Variants in TENM2 observed in about 807,000 individuals in gnomAD.
TENM2 encodes the protein teneurin transmembrane protein 2.
TENM2 carries 52 observed loss-of-function variants against 245.2 expected under a neutral mutation model. The ratio of observed to expected loss-of-function variants is 0.21; its 90% CI spans 0.17 to 0.27. TENM2 has a LOEUF of 0.27. TENM2 is among the 10% of genes least tolerant of loss of function. The pLI, the probability that TENM2 is intolerant of heterozygous loss-of-function variation, is 1.00. For synonymous variants in TENM2, 1,363 were observed against 1,438.9 expected, an observed-to-expected ratio of 0.95 and a Z score of 1.19; for missense variants, 3,046 against 3,666.8, an observed-to-expected ratio of 0.83 and a Z score of 4.37.
chr5:167,480,979 G>C (rs1036407643), intron 2 of TENM2, among the ~76,000 whole-genome samples: 3 of 152,138 alleles, frequency 2.0e-5, no homozygotes, highest in Non-Finnish European at 4.4e-5. Context: ...AGGTCTGAAA[G>C]ATACAACACA....
At chr5:168,080,465 C>A (rs572758106) in intron 7 of TENM2, among the ~76,000 whole-genome samples, 1 of 151,968 alleles carries the variant, frequency 6.6e-6, no homozygotes, top group Non-Finnish European at 1.5e-5. Context: ...TTTCTTGCCT[C>A]CTGCTAGCTT....
chr5:167,367,499 A>C (rs375227701), intron 1 of TENM2, among the ~76,000 whole-genome samples: 1 of 152,164 alleles, frequency 6.6e-6, no homozygotes, highest in Non-Finnish European at 1.5e-5. Flanking sequence ...ATATGTAAAA[A>C]CAGATGAACT....
At chr5:167,516,506 A>G (rs1479185794) in intron 2 of TENM2, among the ~76,000 whole-genome samples, 1 of 152,158 alleles carries the variant, frequency 6.6e-6, no homozygotes, top group African/African-American at 2.4e-5. Context: ...CTTGACTAGT[A>G]ACTTAATGTG....
chr5:167,074,826 A>G, the TENM2 span, among the ~76,000 whole-genome samples: 1 of 152,108 alleles, frequency 6.6e-6, no homozygotes, highest in Non-Finnish European at 1.5e-5. Flanking sequence ...CATTCAATTT[A>G]ATAAGCAGTG....
chr5:168,216,754 C>T lies in TENM2; in HGVS notation c.4079-14C>T. 1 of 1,613,748 alleles carries T rather than the reference C, an allele frequency of 6.2e-7. No individual in the cohort carries two copies. Among genetic ancestry groups the T allele is most frequent in the Non-Finnish European group, 8.5e-7 (1 of 1,179,694 alleles). ...CTTTCCAAGAGATAAATCCACACCGCTTGTCTTGCTCAGGTATTGCAGTAG... is the reference window on the plus strand; with the variant it reads ...CTTTCCAAGAGATAAATCCACACCGTTTGTCTTGCTCAGGTATTGCAGTAG... On this transcript the variant is annotated splice_polypyrimidine_tract_variant and intron_variant, in intron 21 of 28. Coordinates refer to ENST00000518659, the Ensembl canonical transcript of TENM2.
intron 10 of TENM2, among the ~76,000 whole-genome samples, chr5:168,123,578 T>C (rs894713956): frequency 6.6e-5 from 10 of 152,200 alleles, no homozygotes; most frequent in African/African-American, 2.4e-4. Context: ...GCGTGGTCCA[T>C]AAAAACTTCA....
the TENM2 span, among the ~76,000 whole-genome samples, chr5:167,020,221 G>A: frequency 6.6e-6 from 1 of 152,102 alleles, no homozygotes; most frequent in East Asian, 1.9e-4. Flanking sequence ...TAGCTTTGAG[G>A]TCAGGAGGAA....
At chr5:167,562,365 GACCC>G (rs1773648607) in intron 2 of TENM2, among the ~76,000 whole-genome samples, 11 of 152,056 alleles carry the variant, frequency 7.2e-5, no homozygotes, top group Admixed American at 7.2e-4. Context: ...TACAATTACG[GACCC>G]AGATAATAAA....
intron 2 of TENM2, among the ~76,000 whole-genome samples, chr5:167,693,135 G>A (rs767508573): frequency 7.2e-5 from 11 of 152,204 alleles, no homozygotes; most frequent in Non-Finnish European, 1.5e-4. Context: ...TTAGTAGAGT[G>A]TGGCTGGCAT....
intron 24 of TENM2, 86 bp from the exon 27 acceptor site, chr5:168,227,809 A>C (rs1374902341): frequency 1.2e-6 from 1 of 818,946 alleles, no homozygotes; most frequent in African/African-American, 1.7e-5. Context: ...GAAACCTATT[A>C]AAAAAAAATA....
In TENM2 at chr5:167,776,624, A is replaced by AAC. The variant is rs1561769490; in HGVS notation, c.503-99361_503-99360insCA. Among the ~76,000 whole-genome samples, 11 of 61,256 alleles carry AAC rather than the reference A, an allele frequency of 1.8e-4. 2 individuals carry two copies. The highest frequency in any genetic ancestry group is 4.0e-4 in the Admixed American group (2 of 4,978). The allele number at this position is 61,256 out of a possible 152,430, so 40.2% of individuals were successfully genotyped here. On this transcript the variant is annotated intron_variant, in intron 2 of 28. Transcript: ENST00000518659. ...AAAAAAAAAAAAAAAAAAAAAAAAAAAACCATATATATGTATCTATATATA... is the reference window on the plus strand; with the variant it reads ...AAAAAAAAAAAAAAAAAAAAAAAAAAACAACCATATATATGTATCTATATATA...
intron 7 of TENM2, among the ~76,000 whole-genome samples, chr5:168,086,739 C>T (rs1792492819): frequency 1.3e-5 from 2 of 152,160 alleles, no homozygotes; most frequent in Admixed American, 6.5e-5. Flanking sequence ...CCAAAGCATC[C>T]CCATGTCCCG....
the TENM2 span, among the ~76,000 whole-genome samples, chr5:167,186,724 A>G: frequency 1.3e-5 from 2 of 152,322 alleles, no homozygotes; most frequent in South Asian, 4.1e-4. Context: ...GAAACATGAA[A>G]TCCAAATCGA....
the TENM2 span, among the ~76,000 whole-genome samples, chr5:167,277,804 A>T: frequency 3.3e-5 from 5 of 150,506 alleles, no homozygotes; most frequent in African/African-American, 1.2e-4. Flanking sequence ...GTGGTCATAC[A>T]TATTTAGAAT....
chr5:167,790,628 GGTGCCTCCGCC>G (rs1333198808), intron 2 of TENM2, among the ~76,000 whole-genome samples: 2 of 152,120 alleles, frequency 1.3e-5, no homozygotes, highest in Non-Finnish European at 2.9e-5. Context: ...CAGTCCCAGA[GGTGCCTCCGCC>G]ATCTTGCACC....
intron 9 of TENM2, among the ~76,000 whole-genome samples, chr5:168,103,510 C>A (rs894491470): frequency 6.6e-6 from 1 of 152,026 alleles, no homozygotes; most frequent in South Asian, 2.1e-4. Context: ...TCTTTTATGA[C>A]CTTGACCCTT....
At chr5:167,099,979 ACTT>A in the TENM2 span, among the ~76,000 whole-genome samples, 1 of 152,130 alleles carries the variant, frequency 6.6e-6, no homozygotes, top group African/African-American at 2.4e-5. Flanking sequence ...TTTCCTTGGT[ACTT>A]CTTCAACTTC....
the TENM2 span, among the ~76,000 whole-genome samples, chr5:167,015,980 C>T: frequency 3.3e-5 from 5 of 152,108 alleles, no homozygotes; most frequent in South Asian, 2.1e-4. Context: ...GGTGACCAGG[C>T]ACGGTGGCTC....
chr5:167,419,430 C>T (rs2127419990), intron 2 of TENM2, among the ~76,000 whole-genome samples: 1 of 152,146 alleles, frequency 6.6e-6, no homozygotes, highest in Non-Finnish European at 1.5e-5. Context: ...CACCGCACTC[C>T]AGCCTGAGTG....
Sources: allele counts gnomAD v4.1 joint callset (sites outside exome capture counted in the v4.1 genomes callset), GRCh38; gene constraint gnomAD v4.1.1; transcripts MANE v1.5; gene names NCBI Gene and HGNC (gene_info 2026-07-23, HGNC 2026-07-21).